Variants in HEMK2 observed in about 807,000 individuals in gnomAD.
HEMK2 encodes the protein methyltransferase HEMK2.
chr21:28,646,664 T>C, the HEMK2 span, among the ~76,000 whole-genome samples: 1 of 152,158 alleles, frequency 6.6e-6, no homozygotes, highest in Non-Finnish European at 1.5e-5. Context: ...GATTTGGAGA[T>C]CACTAAAGGT....
the HEMK2 span, among the ~76,000 whole-genome samples, chr21:28,628,311 TAA>T: frequency 6.6e-6 from 1 of 152,206 alleles, no homozygotes; most frequent in African/African-American, 2.4e-5. Flanking sequence ...TTTTATTTTA[TAA>T]AGACTGGATA....
At chr21:28,747,477 T>C in the HEMK2 span, among the ~76,000 whole-genome samples, 3 of 152,298 alleles carry the variant, frequency 2.0e-5, no homozygotes, top group South Asian at 4.1e-4. Flanking sequence ...AAAATTAATT[T>C]GGGGGATCCT....
At chr21:28,805,901 A>C in the HEMK2 span, among the ~76,000 whole-genome samples, 1 of 152,216 alleles carries the variant, frequency 6.6e-6, no homozygotes, top group Non-Finnish European at 1.5e-5. Context: ...AAAACCTTGA[A>C]GGAAAGTTGA....
At chr21:28,870,567 A>AT in the HEMK2 span, among the ~76,000 whole-genome samples, 1 of 152,050 alleles carries the variant, frequency 6.6e-6, no homozygotes, top group African/African-American at 2.4e-5. Context: ...ACACTCGCTA[A>AT]TTTTTTTATT....
chr21:28,639,247 A>G, the HEMK2 span, among the ~76,000 whole-genome samples: 1 of 152,256 alleles, frequency 6.6e-6, no homozygotes, highest in Non-Finnish European at 1.5e-5. Context: ...CAAAAGAAAG[A>G]TAGAAACTAA....
At chr21:28,765,307 T>G in the HEMK2 span, among the ~76,000 whole-genome samples, 3 of 152,072 alleles carry the variant, frequency 2.0e-5, no homozygotes, top group Non-Finnish European at 4.4e-5. Context: ...TTCAGCCTCA[T>G]GAAGCCAAGG....
chr21:28,700,830 A>AACACAC, the HEMK2 span, among the ~76,000 whole-genome samples: 31,857 of 150,784 alleles, frequency 0.21, 3,470 homozygotes, highest in East Asian at 0.36. Context: ...AGCTTGCAGA[A>AACACAC]ACACACACAC....
chr21:28,844,249 G>A, the HEMK2 span, among the ~76,000 whole-genome samples: 3 of 152,002 alleles, frequency 2.0e-5, no homozygotes, highest in African/African-American at 7.2e-5. Context: ...AACAGTGGCT[G>A]ATGGTCATTC....
At chr21:28,885,050 C>T in the HEMK2 span, among the ~76,000 whole-genome samples, 1 of 152,182 alleles carries the variant, frequency 6.6e-6, no homozygotes, top group African/African-American at 2.4e-5. Context: ...CTTGTAGCTA[C>T]AGGAAAATTC....
chr21:28,688,538 C>T, the HEMK2 span, among the ~76,000 whole-genome samples: 1 of 151,450 alleles, frequency 6.6e-6, no homozygotes, highest in Non-Finnish European at 1.5e-5. Flanking sequence ...AGGGACTTTG[C>T]TTGGTTAACT....
chr21:28,741,266 A>G, the HEMK2 span, among the ~76,000 whole-genome samples: 8 of 152,212 alleles, frequency 5.3e-5, no homozygotes, highest in Admixed American at 3.9e-4. Context: ...TTTACCTCCA[A>G]AAAAGATGAC....
the HEMK2 span, among the ~76,000 whole-genome samples, chr21:28,586,734 A>G: frequency 1.3e-5 from 2 of 152,212 alleles, no homozygotes; most frequent in Non-Finnish European, 2.9e-5. Flanking sequence ...TACAGTTCTT[A>G]ACACTGGACA....
the HEMK2 span, among the ~76,000 whole-genome samples, chr21:28,813,793 C>A: frequency 6.6e-6 from 1 of 152,314 alleles, no homozygotes; most frequent in African/African-American, 2.4e-5. Flanking sequence ...ATTATCTGAT[C>A]TTTGACAAAC....
the HEMK2 span, among the ~76,000 whole-genome samples, chr21:28,695,226 A>G: frequency 6.6e-6 from 1 of 152,208 alleles, no homozygotes; most frequent in Non-Finnish European, 1.5e-5. Context: ...GACTGCTACA[A>G]CAAAATACCA....
the HEMK2 span, among the ~76,000 whole-genome samples, chr21:28,716,161 T>C: frequency 1.3e-5 from 2 of 152,220 alleles, no homozygotes; most frequent in Non-Finnish European, 2.9e-5. Flanking sequence ...GTTTTTCTAA[T>C]TCTGTAAAAA....
the HEMK2 span, chr21:28,882,891 T>G: frequency 1.2e-6 from 1 of 839,972 alleles, no homozygotes. Flanking sequence ...GCTTAAATAC[T>G]ATAAGATACA....
the HEMK2 span, among the ~76,000 whole-genome samples, chr21:28,604,670 A>G: frequency 1.3e-5 from 2 of 152,308 alleles, no homozygotes; most frequent in East Asian, 3.9e-4. Flanking sequence ...AGTTGTAATG[A>G]CTTAACCTGA....
At chr21:28,738,361 G>A in the HEMK2 span, among the ~76,000 whole-genome samples, 2 of 152,186 alleles carry the variant, frequency 1.3e-5, no homozygotes, top group Admixed American at 1.3e-4. Context: ...CTATTATTGG[G>A]AGAAGGTGTT....
chr21:28,878,189 T>C, the HEMK2 span: 1 of 1,567,666 alleles, frequency 6.4e-7, no homozygotes, highest in African/African-American at 1.4e-5. Context: ...TGGTCTGTAT[T>C]ACCTGGGTTG....
Sources: allele counts gnomAD v4.1 joint callset (sites outside exome capture counted in the v4.1 genomes callset), GRCh38; gene constraint gnomAD v4.1.1; transcripts MANE v1.5; gene names NCBI Gene and HGNC (gene_info 2026-07-23, HGNC 2026-07-21).